The following FAM107B variants were observed in gnomAD, a reference collection of about 807,000 sequenced individuals.
FAM107B encodes the protein family with sequence similarity 107 member B, also known as protein FAM107B.
In FAM107B, 21 loss-of-function variants were observed where a neutral mutation model predicts 31.5. That is an observed-to-expected ratio of 0.67 (90% CI 0.47 to 0.96). FAM107B has a LOEUF of 0.96. FAM107B is among the 40% of genes least tolerant of loss of function. FAM107B has a pLI of 0.00. For synonymous variants in FAM107B, 157 were observed against 141.5 expected (o/e 1.11, Z -0.78); for missense variants, 452 against 377.1 (o/e 1.20, Z -1.64).
At chr10:14,724,439 TA>T (rs1211713976) in intron 1 of FAM107B, among the ~76,000 whole-genome samples, 2 of 152,220 alleles carry the variant, frequency 1.3e-5, no homozygotes, top group Non-Finnish European at 2.9e-5. Flanking sequence ...TCTAAAATCT[TA>T]ATTCTATTCC....
intron 1 of FAM107B, among the ~76,000 whole-genome samples, chr10:14,690,217 G>A (rs996862658): frequency 4.6e-5 from 7 of 152,132 alleles, no homozygotes; most frequent in Non-Finnish European, 1.0e-4. Flanking sequence ...TCTAAGTGAC[G>A]GAGGAGAGTG....
intron 2 of FAM107B, among the ~76,000 whole-genome samples, chr10:14,655,210 T>C (rs1307138488): frequency 6.6e-6 from 1 of 152,202 alleles, no homozygotes; most frequent in Non-Finnish European, 1.5e-5. Flanking sequence ...AAGCCATTCA[T>C]GAAGAAGGAT....
chr10:14,680,824 A>T (rs1854816067), intron 1 of FAM107B, among the ~76,000 whole-genome samples: 1 of 152,162 alleles, frequency 6.6e-6, no homozygotes, highest in Non-Finnish European at 1.5e-5. Flanking sequence ...TCAAGACTTC[A>T]TTGGAGCCCA....
chr10:14,706,161 A>G (rs1386550382), intron 1 of FAM107B, among the ~76,000 whole-genome samples: 1 of 152,208 alleles, frequency 6.6e-6, no homozygotes, highest in Non-Finnish European at 1.5e-5. Flanking sequence ...GAGGCTGTGC[A>G]CAAACTGTCT....
chr10:14,532,119 G>A (rs1338829413), intron 2 of FAM107B, among the ~76,000 whole-genome samples: 2 of 152,230 alleles, frequency 1.3e-5, no homozygotes, highest in East Asian at 1.9e-4. Flanking sequence ...CCCTGTGCCA[G>A]TGGAAAAGGC....
At chr10:14,526,741 C>G (rs1404380252) in intron 3 of FAM107B, among the ~76,000 whole-genome samples, 1 of 152,076 alleles carries the variant, frequency 6.6e-6, no homozygotes, top group Non-Finnish European at 1.5e-5. Context: ...GCCAAAGAAC[C>G]AATTTTAGGG....
intron 2 of FAM107B, among the ~76,000 whole-genome samples, chr10:14,612,915 A>AAAATAGC: frequency 6.6e-6 from 1 of 152,212 alleles, no homozygotes; most frequent in Non-Finnish European, 1.5e-5. Flanking sequence ...AAATTCCTAG[A>AAAATAGC]AAAATACAAG....
chr10:14,606,791 G>A (rs192214503), intron 2 of FAM107B, among the ~76,000 whole-genome samples: 83 of 149,872 alleles, frequency 5.5e-4, no homozygotes, highest in Non-Finnish European at 9.9e-4. Context: ...TGAAAAGGCC[G>A]CCAACTGCAA....
At chr10:14,773,383 C>T (rs923319050) in intron 1 of FAM107B, among the ~76,000 whole-genome samples, 1 of 152,160 alleles carries the variant, frequency 6.6e-6, no homozygotes, top group East Asian at 1.9e-4. Context: ...AATCAGAATA[C>T]TTTAGTGATG....
intron 1 of FAM107B, among the ~76,000 whole-genome samples, chr10:14,762,029 G>A (rs890649734): frequency 7.9e-5 from 12 of 152,246 alleles, no homozygotes; most frequent in South Asian, 2.1e-4. Context: ...TTAAAATACC[G>A]TAGTGTAAAC....
intron 2 of FAM107B, among the ~76,000 whole-genome samples, chr10:14,533,854 A>C (rs534417089): frequency 6.6e-6 from 1 of 152,206 alleles, no homozygotes; most frequent in Admixed American, 6.5e-5. Context: ...TTCTTCTCAC[A>C]TAGGACCAGT....
At chr10:14,742,765 G>T (rs960799439) in intron 1 of FAM107B, among the ~76,000 whole-genome samples, 8 of 151,900 alleles carry the variant, frequency 5.3e-5, no homozygotes, top group African/African-American at 1.9e-4. Context: ...CTTAGCTCCT[G>T]CCCTATCTTG....
intron 2 of FAM107B, among the ~76,000 whole-genome samples, chr10:14,666,623 G>T (rs1854409995): frequency 6.6e-6 from 1 of 152,190 alleles, no homozygotes; most frequent in South Asian, 2.1e-4. Context: ...ATGCCAAGAT[G>T]GTTGGGAACG....
intron 1 of FAM107B, among the ~76,000 whole-genome samples, chr10:14,692,012 A>G (rs994900190): frequency 3.9e-5 from 6 of 152,068 alleles, no homozygotes; most frequent in Non-Finnish European, 8.8e-5. Context: ...AGGAATAGAC[A>G]ATCCTTGACC....
At chr10:14,548,744 A>T (rs1030637462) in intron 2 of FAM107B, 1 of 782,244 alleles carries the variant, frequency 1.3e-6, no homozygotes, top group African/African-American at 1.9e-5. Context: ...GAAAAATGCA[A>T]ATTGGCATCC....
chr10:14,667,610 G>T (rs202098643), intron 2 of FAM107B, 24 bp downstream of exon 2: 8 of 1,612,352 alleles, frequency 5.0e-6, no homozygotes, highest in Non-Finnish European at 6.8e-6. Context: ...GCCTGGAAAA[G>T]GAATCACACA....
At chr10:14,579,101 A>C (rs557363768) in intron 2 of FAM107B, among the ~76,000 whole-genome samples, 64 of 152,252 alleles carry the variant, frequency 4.2e-4, no homozygotes, top group Non-Finnish European at 7.2e-4. Flanking sequence ...TCGTTGTATG[A>C]AGCACTCGGC....
chr10:14,528,006 T>C, intron 3 of FAM107B: 2 of 379,198 alleles, frequency 5.3e-6, no homozygotes, highest in South Asian at 3.9e-5. Context: ...TTTCTTTTTT[T>C]TTTTTTTAAT....
intron 1 of FAM107B, among the ~76,000 whole-genome samples, chr10:14,673,815 G>A (rs983749928): frequency 1.3e-5 from 2 of 152,002 alleles, no homozygotes; most frequent in Non-Finnish European, 2.9e-5. Flanking sequence ...TTTGAACTGG[G>A]GTGAGATGAT....
Sources: gnomAD v4.1 joint callset for allele counts (sites outside exome capture counted in the v4.1 genomes callset) on GRCh38, gnomAD v4.1.1 for gene constraint, MANE v1.5 for transcripts, NCBI Gene and HGNC (gene_info 2026-07-23, HGNC 2026-07-21) for gene names.